AGPAT4: variants seen among roughly 807,000 people sequenced by gnomAD.
The protein encoded by AGPAT4 is 1-acyl-sn-glycerol-3-phosphate acyltransferase delta.
Under a neutral mutation model 48.0 loss-of-function variants are expected in AGPAT4, and 15 were observed. The observed-to-expected ratio is 0.31, with a 90% confidence interval of 0.21 to 0.48. The LOEUF is 0.48. AGPAT4 is among the 20% of genes least tolerant of loss of function. The pLI is 0.99. For synonymous variants in AGPAT4, 178 were observed against 198.7 expected (o/e 0.90, Z 0.88); for missense variants, 314 against 482.5 (o/e 0.65, Z 3.27).
chr6:161,231,023 C>T lies in AGPAT4; in HGVS notation c.178+1013G>A, dbSNP rs558900862. 6.6e-6 allele frequency among the ~76,000 whole-genome samples: 1 copy of T among 151,100 alleles called. No homozygotes were observed. The highest frequency in any genetic ancestry group is 6.6e-5 in the Admixed American group (1 of 15,214). On this transcript the variant is annotated intron_variant, in intron 2 of 8. Transcript: ENST00000320285. This position sits in a 1 kb window ranked among gnomAD's most constrained non-coding sequence, Gnocchi z 5.3. The stretch of plus-strand genomic sequence containing the variant: ...AATCCATTTGGATAATTATACATAG[C>T]TTGAATTGTCTTGATTCAAATTCAA...
rs12110635 is a variant in AGPAT4, at chr6:161,140,992, T to C, written c.844-1372A>G. 0.015 allele frequency among the ~76,000 whole-genome samples: 2,300 copies of C among 152,338 alleles called. 60 individuals carry two copies. Among genetic ancestry groups the C allele is most frequent in the African/African-American group, 0.053 (2,206 of 41,568 alleles). On this transcript the variant is annotated intron_variant, in intron 7 of 8. Transcript: ENST00000320285. This position sits in a 1 kb window ranked among gnomAD's most constrained non-coding sequence, Gnocchi z 6.5. ...TGAGCTTCCTTATAATTGAAACTTA[T>C]ACTACTTAAATGCTGAATATTTTCC...
intron 7 of AGPAT4, among the ~76,000 whole-genome samples, chr6:161,145,138 G>T (rs1779382601): frequency 6.6e-6 from 1 of 151,718 alleles, no homozygotes; most frequent in South Asian, 2.1e-4. Flanking sequence ...CATCGGTGCA[G>T]AACCTCGATA....
In AGPAT4 at chr6:161,270,093, G is replaced by T. The variant is rs1214147382; in HGVS notation, c.-90+3845C>A. 6.6e-6 allele frequency among the ~76,000 whole-genome samples: 1 copy of T among 152,152 alleles called. No individual in the cohort carries two copies. The highest frequency in any genetic ancestry group is 1.5e-5 in the Non-Finnish European group (1 of 68,032). ...TTATTCAGTCATTAGAAGAAAATGG[G>T]TATCTGCCAGTCATGGGGTTTCCCT... On this transcript the variant is annotated intron_variant, in intron 1 of 8. Coordinates refer to ENST00000320285, the MANE Select transcript of AGPAT4 (RefSeq NM_020133.3). The surrounding 1 kb of genome is among the most constrained non-coding windows in gnomAD (Gnocchi z 5.3).
At position 161,147,718 on chromosome 6, in the gene AGPAT4, C is replaced by G. The variant is rs1486981393; in HGVS notation, c.768-1119G>C. On this transcript the variant is annotated intron_variant, in intron 6 of 8. Coordinates refer to ENST00000320285, the MANE Select transcript of AGPAT4 (RefSeq NM_020133.3). The surrounding 1 kb of genome is among the most constrained non-coding windows in gnomAD (Gnocchi z 4.8). ...CTTCTCTGGATCCTCTACTTCTTTG[C>G]TGTTTGATCTACTCTGCTTTGGAAA... Among the ~76,000 whole-genome samples, 1 of 152,200 alleles carries G rather than the reference C, an allele frequency of 6.6e-6. No homozygotes were observed. Among genetic ancestry groups the G allele is most frequent in the Non-Finnish European group, 1.5e-5 (1 of 68,044 alleles).
At position 161,266,025 on chromosome 6, in the gene AGPAT4, C is replaced by T. The variant is rs1263481617; in HGVS notation, c.-90+7913G>A. On this transcript the variant is annotated intron_variant, in intron 1 of 8. Coordinates refer to ENST00000320285, the MANE Select transcript of AGPAT4 (RefSeq NM_020133.3). The surrounding 1 kb of genome is among the most constrained non-coding windows in gnomAD (Gnocchi z 6.2). ...CGGACCAACCGGATTCCTGAGTGTA[C>T]CTGACAGAGCCGGGAATTCCCCCTC... 6.6e-6 allele frequency among the ~76,000 whole-genome samples: 1 copy of T among 152,090 alleles called. No individual in the cohort carries two copies. Among genetic ancestry groups the T allele is most frequent in the Non-Finnish European group, 1.5e-5 (1 of 68,014 alleles).
chr6:161,135,207 A>C lies in AGPAT4; in HGVS notation c.*1333T>G, dbSNP rs948274495. 38 of 152,390 alleles carry C rather than the reference A, an allele frequency of 2.5e-4. No individual in the cohort carries two copies. Among genetic ancestry groups the C allele is most frequent in the African/African-American group, 9.1e-4 (38 of 41,588 alleles). The allele number at this position is 152,390 out of a possible 1,614,324, so 9.4% of individuals were successfully genotyped here. ...TTCCTTCTCATGTTACCACAGCAAC[A>C]CAGGCAGCTTTTCTCAGCAACTTTC... is the stretch of plus-strand genomic sequence containing the variant. On this transcript the variant is annotated 3_prime_UTR_variant, in exon 9 of 9. Coordinates refer to ENST00000320285, the MANE Select transcript of AGPAT4 (RefSeq NM_020133.3).
In AGPAT4 at chr6:161,139,883, C is replaced by A. The variant is rs895251363; in HGVS notation, c.844-263G>T. Among the ~76,000 whole-genome samples the A allele has an allele frequency of 3.9e-5, 6 of 152,250 alleles. No homozygotes were observed. Among genetic ancestry groups the A allele is most frequent in the African/African-American group, 1.4e-4 (6 of 41,476 alleles). On this transcript the variant is annotated intron_variant, in intron 7 of 8. Transcript: ENST00000320285. This position sits in a 1 kb window ranked among gnomAD's most constrained non-coding sequence, Gnocchi z 9.1. ...CTGAGTGCAGGGCGTGGAGCATGAA[C>A]CCTGGCGCCAGGCCAGCCTGGGCTA...
intron 1 of AGPAT4, among the ~76,000 whole-genome samples, chr6:161,248,862 T>C (rs368748686): frequency 7.0e-4 from 107 of 152,126 alleles, no homozygotes; most frequent in African/African-American, 2.5e-3. Context: ...AGAGCCTGAA[T>C]AGCCTAAGCA....
chr6:161,172,210 C>T (rs952388400), intron 2 of AGPAT4, among the ~76,000 whole-genome samples: 1 of 152,190 alleles, frequency 6.6e-6, no homozygotes, highest in Non-Finnish European at 1.5e-5. Flanking sequence ...AAATGACCTG[C>T]ACTAAGAGGA....
At position 161,140,578 on chromosome 6, in the gene AGPAT4, G is replaced by A. The variant is rs987904552; in HGVS notation, c.844-958C>T. 1.3e-5 allele frequency among the ~76,000 whole-genome samples: 2 copies of A among 152,254 alleles called. No individual in the cohort carries two copies. Among genetic ancestry groups the A allele is most frequent in the Non-Finnish European group, 2.9e-5 (2 of 68,040 alleles). On this transcript the variant is annotated intron_variant, in intron 7 of 8. Transcript: ENST00000320285. This position sits in a 1 kb window ranked among gnomAD's most constrained non-coding sequence, Gnocchi z 6.5. ...CCCGCTCAGGGACTGGGGCTCAGCC[G>A]CAAGGAGCTGCTGAACACAAGGGAG...
chr6:161,253,500 C>G lies in AGPAT4; in HGVS notation c.-90+20438G>C, dbSNP rs145921509. ...CGATCTCCTGACCTCTTGCTCCCCC[C>G]ACCTCAGCCTCCCAAAGTGCTGGGA... On this transcript the variant is annotated intron_variant, in intron 1 of 8. Transcript: ENST00000320285. 4.4e-3 allele frequency among the ~76,000 whole-genome samples: 676 copies of G among 151,918 alleles called. 9 individuals carry two copies. Among genetic ancestry groups the G allele is most frequent in the East Asian group, 0.032 (164 of 5,082 alleles).
chr6:161,228,993 T>C (rs1384446219), intron 2 of AGPAT4, among the ~76,000 whole-genome samples: 1 of 151,316 alleles, frequency 6.6e-6, no homozygotes, highest in Non-Finnish European at 1.5e-5. Context: ...TGTCTCGGTG[T>C]GTCCTGCTGT....
chr6:161,163,101 A>G (rs1291254234), intron 3 of AGPAT4, among the ~76,000 whole-genome samples: 1 of 152,266 alleles, frequency 6.6e-6, no homozygotes, highest in Non-Finnish European at 1.5e-5. Context: ...CAGTGGCCTC[A>G]TGGGATCTTG....
chr6:161,258,430 T>C (rs930435114), intron 1 of AGPAT4, among the ~76,000 whole-genome samples: 3 of 152,222 alleles, frequency 2.0e-5, no homozygotes, highest in African/African-American at 2.4e-5. Context: ...TCTGAATCTA[T>C]AAACTTTTCC....
At position 161,184,013 on chromosome 6, in the gene AGPAT4, G is replaced by A. The variant is rs1427622145; in HGVS notation, c.179-17596C>T. 6.6e-6 allele frequency among the ~76,000 whole-genome samples: 1 copy of A among 152,088 alleles called. No homozygotes were observed. The highest frequency in any genetic ancestry group is 6.6e-5 in the Admixed American group (1 of 15,262). On this transcript the variant is annotated intron_variant, in intron 2 of 8. Coordinates refer to ENST00000320285, the MANE Select transcript of AGPAT4 (RefSeq NM_020133.3). The surrounding 1 kb of genome is among the most constrained non-coding windows in gnomAD (Gnocchi z 4.8). ...GAGACAGGAAGTCACTGGAAGTTTA[G>A]CGTGATGTATGACTTGATCCACCTG...
rs1781959050 is a variant in AGPAT4 at position 161,225,671 on chromosome 6, G to T, written c.178+6365C>A. Among the ~76,000 whole-genome samples, 1 of 152,188 alleles carries T rather than the reference G, an allele frequency of 6.6e-6. No individual in the cohort carries two copies. The highest frequency in any genetic ancestry group is 2.4e-5 in the African/African-American group (1 of 41,438). On this transcript the variant is annotated intron_variant, in intron 2 of 8. Coordinates refer to ENST00000320285, the MANE Select transcript of AGPAT4 (RefSeq NM_020133.3). The surrounding 1 kb of genome is among the most constrained non-coding windows in gnomAD (Gnocchi z 5.0). ...TCTCGTGATGTGGAGCCGTCAGGGTGTGTGACTCCAGGTGAAGTCAGGCAG... is the reference window on the plus strand; with the variant it reads ...TCTCGTGATGTGGAGCCGTCAGGGTTTGTGACTCCAGGTGAAGTCAGGCAG...
In AGPAT4 at chr6:161,229,450, G is replaced by C. The variant is rs1211115002; in HGVS notation, c.178+2586C>G. ...AACTGTCTCCTCCTCTGGCTGATCA[G>C]TGGCCCAGCAAGGCTTCCTAAACAC... is the stretch of plus-strand genomic sequence containing the variant. On this transcript the variant is annotated intron_variant, in intron 2 of 8. Coordinates refer to ENST00000320285, the MANE Select transcript of AGPAT4 (RefSeq NM_020133.3). The surrounding 1 kb of genome is among the most constrained non-coding windows in gnomAD (Gnocchi z 6.0). Among the ~76,000 whole-genome samples the C allele has an allele frequency of 6.6e-6, 1 of 152,162 alleles. No individual in the cohort carries two copies. The highest frequency in any genetic ancestry group is 6.5e-5 in the Admixed American group (1 of 15,282).
Position 161,251,036 on chromosome 6 carries a change from A to G in AGPAT4, c.-89-18734T>C, listed in dbSNP as rs1435250538. Among the ~76,000 whole-genome samples, 2 of 152,148 alleles carry G rather than the reference A, an allele frequency of 1.3e-5. No homozygotes were observed. The highest frequency in any genetic ancestry group is 4.8e-5 in the African/African-American group (2 of 41,430). ...GTTTGTTTATTTTTATTCTTAGCTT[A>G]TTGGAGGTTTAAATTACGATGAAGT... On this transcript the variant is annotated intron_variant, in intron 1 of 8. Coordinates refer to ENST00000320285, the MANE Select transcript of AGPAT4 (RefSeq NM_020133.3). The surrounding 1 kb of genome is among the most constrained non-coding windows in gnomAD (Gnocchi z 4.6).
intron 2 of AGPAT4, among the ~76,000 whole-genome samples, chr6:161,190,738 T>G (rs1164299134): frequency 1.3e-5 from 2 of 152,168 alleles, no homozygotes; most frequent in Admixed American, 1.3e-4. Context: ...AATATAGGTC[T>G]GAAGGAAAAA....
Sources: allele counts gnomAD v4.1 joint callset (sites outside exome capture counted in the v4.1 genomes callset), GRCh38; gene constraint gnomAD v4.1.1; non-coding constraint Gnocchi (gnomAD v3.1); transcripts MANE v1.5; gene names NCBI Gene and HGNC (gene_info 2026-07-23, HGNC 2026-07-21).